The following NBAS variants were observed in gnomAD, a reference collection of about 807,000 sequenced individuals.
NBAS encodes NAG/BC035112 fusion.
In NBAS, 219 loss-of-function variants were observed where a neutral mutation model predicts 302.5. That is an observed-to-expected ratio of 0.72 (90% CI 0.65 to 0.81). The LOEUF (loss-of-function observed/expected upper bound fraction) is 0.81, where lower values mean the gene tolerates loss of function less well. Ranked by LOEUF, NBAS falls within the 30% of genes least tolerant of loss-of-function variation. The pLI is 0.00. For synonymous variants in NBAS, 1,118 were observed against 1,021.6 expected (o/e 1.09, Z -1.80); for missense variants, 2,932 against 2,841.6 (o/e 1.03, Z -0.72).
At chr2:15,086,279 G>GTC in the NBAS span, among the ~76,000 whole-genome samples, 2 of 152,138 alleles carry the variant, frequency 1.3e-5, no homozygotes, top group African/African-American at 2.4e-5. Flanking sequence ...CCACTCCAGG[G>GTC]TCTCCTCTCT....
chr2:15,250,802 G>A (rs1668329254), intron 44 of NBAS, among the ~76,000 whole-genome samples: 1 of 152,090 alleles, frequency 6.6e-6, no homozygotes, highest in East Asian at 1.9e-4. Context: ...TAAAAAGTCA[G>A]GAAACAACAG....
intron 44 of NBAS, among the ~76,000 whole-genome samples, chr2:15,269,643 T>G (rs368901217): frequency 2.0e-5 from 3 of 152,224 alleles, no homozygotes; most frequent in Non-Finnish European, 4.4e-5. Context: ...TTTAAAATAT[T>G]CTCTGATGCA....
chr2:15,093,924 T>G, the NBAS span, among the ~76,000 whole-genome samples: 2 of 152,228 alleles, frequency 1.3e-5, no homozygotes, highest in African/African-American at 2.4e-5. Context: ...TAATGGGTGA[T>G]TCTCATAATA....
At chr2:15,352,673 G>A (rs1056738708) in intron 34 of NBAS, among the ~76,000 whole-genome samples, 3 of 152,104 alleles carry the variant, frequency 2.0e-5, no homozygotes, top group Admixed American at 6.5e-5. Flanking sequence ...GTGTTTACAG[G>A]AGTCGTATGC....
the NBAS span, among the ~76,000 whole-genome samples, chr2:14,898,063 C>G: frequency 6.6e-6 from 1 of 152,158 alleles, no homozygotes; most frequent in Non-Finnish European, 1.5e-5. Context: ...TCAGAAGAAC[C>G]TAGGCTTAAA....
chr2:14,841,212 T>C, the NBAS span, among the ~76,000 whole-genome samples: 1 of 151,832 alleles, frequency 6.6e-6, no homozygotes, highest in Non-Finnish European at 1.5e-5. Flanking sequence ...TAAAAAGTGA[T>C]AGATTAAAAT....
chr2:15,214,503 G>A (rs1233293677), intron 48 of NBAS, among the ~76,000 whole-genome samples: 2 of 152,206 alleles, frequency 1.3e-5, no homozygotes, highest in Non-Finnish European at 2.9e-5. Flanking sequence ...AAGTATGACT[G>A]CTGAACTGGG....
intron 27 of NBAS, among the ~76,000 whole-genome samples, chr2:15,395,329 A>G (rs1163599492): frequency 6.6e-6 from 1 of 152,134 alleles, no homozygotes; most frequent in Non-Finnish European, 1.5e-5. Flanking sequence ...TAGAGAATGA[A>G]TTTACATTGA....
chr2:15,031,365 C>T, the NBAS span, among the ~76,000 whole-genome samples: 27 of 152,182 alleles, frequency 1.8e-4, no homozygotes, highest in African/African-American at 6.5e-4. Context: ...TGTCCACAGT[C>T]CTGATCCAAG....
At chr2:14,849,750 G>C in the NBAS span, among the ~76,000 whole-genome samples, 1 of 141,606 alleles carries the variant, frequency 7.1e-6, no homozygotes, top group East Asian at 1.9e-4. Context: ...AACCCTACAA[G>C]CCAGAAGAGA....
chr2:15,009,694 ATAT>A, the NBAS span, among the ~76,000 whole-genome samples: 1 of 278 alleles, frequency 3.6e-3, no homozygotes, highest in East Asian at 0.17. Context: ...GTAGGAATGC[ATAT>A]ATATATATAT....
chr2:14,925,255 C>T, the NBAS span, among the ~76,000 whole-genome samples: 1 of 152,134 alleles, frequency 6.6e-6, no homozygotes, highest in Non-Finnish European at 1.5e-5. Context: ...ACAGAGGTCT[C>T]ACCAGTATCA....
chr2:14,896,336 A>G, the NBAS span, among the ~76,000 whole-genome samples: 1 of 152,164 alleles, frequency 6.6e-6, no homozygotes, highest in Admixed American at 6.5e-5. Flanking sequence ...ATGCCAAACT[A>G]GTATGTGTAT....
At chr2:15,226,982 C>T (rs1667175582) in intron 47 of NBAS, among the ~76,000 whole-genome samples, 1 of 152,154 alleles carries the variant, frequency 6.6e-6, no homozygotes, top group South Asian at 2.1e-4. Flanking sequence ...GCATCCTTGT[C>T]TTGTTCCAAA....
chr2:15,437,558 G>A (rs1678092001), intron 21 of NBAS, among the ~76,000 whole-genome samples: 1 of 152,226 alleles, frequency 6.6e-6, no homozygotes, highest in Admixed American at 6.5e-5. Context: ...TGACTAGGAA[G>A]ACAATGGTGT....
intron 12 of NBAS, among the ~76,000 whole-genome samples, chr2:15,481,894 CT>C (rs984734288): frequency 6.6e-6 from 1 of 152,106 alleles, no homozygotes; most frequent in South Asian, 2.1e-4. Flanking sequence ...GCTATAAAAC[CT>C]AAAAACATCG....
At chr2:15,349,031 T>C (rs1227689374) in intron 35 of NBAS, among the ~76,000 whole-genome samples, 1 of 152,120 alleles carries the variant, frequency 6.6e-6, no homozygotes, top group Non-Finnish European at 1.5e-5. Context: ...ATAAGAAGTG[T>C]CCTCCAAACA....
chr2:15,034,039 G>GAAGAAGAAGAAGAAGAA, the NBAS span, among the ~76,000 whole-genome samples: 1 of 84,596 alleles, frequency 1.2e-5, no homozygotes, highest in Non-Finnish European at 2.2e-5. Context: ...GGAGGAGGAA[G>GAAGAAGAAGAAGAAGAA]GAGGAGGAGG....
At chr2:15,133,003 G>C in the NBAS span, among the ~76,000 whole-genome samples, 1 of 152,134 alleles carries the variant, frequency 6.6e-6, no homozygotes, top group East Asian at 1.9e-4. Flanking sequence ...ATTTGAATAA[G>C]AAATAAGTTA....
Sources: allele counts gnomAD v4.1 joint callset (sites outside exome capture counted in the v4.1 genomes callset), GRCh38; gene constraint gnomAD v4.1.1; transcripts MANE v1.5; gene names NCBI Gene and HGNC (gene_info 2026-07-23, HGNC 2026-07-21).